The following ZNF292 variants were observed in gnomAD, a reference collection of about 807,000 sequenced individuals.
ZNF292 encodes zinc finger protein 292.
In ZNF292, 26 loss-of-function variants were observed where a neutral mutation model predicts 217.9. The observed-to-expected ratio is 0.12, with a 90% CI of 0.09 to 0.17. ZNF292 has a LOEUF of 0.17. Ranked by LOEUF, ZNF292 falls within the 10% of genes least tolerant of loss-of-function variation. The pLI, the probability that ZNF292 is intolerant of heterozygous loss-of-function variation, is 1.00. For missense variants in ZNF292, 2,904 were observed against 3,175.2 expected (o/e 0.91, Z 2.05); for synonymous variants, 1,257 against 1,124.1 (o/e 1.12, Z -2.37).
Position 87,155,680 on chromosome 6 carries a change from A to G in ZNF292, c.89A>G (p.Gln30Arg), listed in dbSNP as rs1770501632. The G allele has an allele frequency of 1.3e-6, 2 of 1,589,198 alleles. No homozygotes were observed. Among genetic ancestry groups the G allele is most frequent in the South Asian group, 1.1e-5 (1 of 87,350 alleles). ...AELQRLGERL[Q>R]ELELQLRESR... is the part of the protein sequence containing the mutation. Reference sequence around the variant, plus strand: ...CTGCAGCGCCTGGGCGAGCGGCTCCAGGAGCTGGAGCTACAGCTGCGGGAG... The same window carrying G: ...CTGCAGCGCCTGGGCGAGCGGCTCCGGGAGCTGGAGCTACAGCTGCGGGAG... Residue 30 changes from glutamine to arginine, a missense_variant, in exon 1 of 8, where the codon CAG becomes CGG. By Grantham distance (43) the Gln-to-Arg change is conservative (BLOSUM62 1). This residue lies in a region of ZNF292 where 66 missense variants were observed against 44.1 expected (regional missense o/e 1.50). Transcript: ENST00000369577.
intron 7 of ZNF292, among the ~76,000 whole-genome samples, chr6:87,246,140 A>G (rs963340966): frequency 1.3e-5 from 2 of 152,226 alleles, no homozygotes; most frequent in African/African-American, 4.8e-5. Flanking sequence ...CTGAGGCAGT[A>G]GAATTGCTTG....
intron 4 of ZNF292, chr6:87,223,230 A>G (rs7752882): frequency 0.62 from 95,165 of 153,436 alleles, 30,856 homozygotes; most frequent in African/African-American, 0.81. Context: ...GCAGGCATGT[A>G]CCACCATGCT....
chr6:87,193,009 A>G (rs1275074731), intron 1 of ZNF292, among the ~76,000 whole-genome samples: 1 of 152,176 alleles, frequency 6.6e-6, no homozygotes, highest in South Asian at 2.1e-4. Flanking sequence ...GTTATTTTCT[A>G]AAGACAGGGT....
intron 4 of ZNF292, among the ~76,000 whole-genome samples, chr6:87,230,605 G>T (rs930487677): frequency 6.6e-6 from 1 of 151,826 alleles, no homozygotes; most frequent in Non-Finnish European, 1.5e-5. Context: ...GTGGTGGCGG[G>T]CGCCTGTAGT....
intron 1 of ZNF292, among the ~76,000 whole-genome samples, chr6:87,164,044 C>G (rs546893188): frequency 4.1e-4 from 62 of 152,172 alleles, no homozygotes; most frequent in Non-Finnish European, 5.4e-4. Flanking sequence ...CACCTCGCCC[C>G]GCCAAGTATC....
chr6:87,216,289 T>C lies in ZNF292; in HGVS notation c.324-10T>C, dbSNP rs1772771629. ...ATTATTCCTCTCCTTACCAACTTTTTGTTTTTTAGAAGCTGTGTTGAACTT... is the reference window on the plus strand; with the variant it reads ...ATTATTCCTCTCCTTACCAACTTTTCGTTTTTTAGAAGCTGTGTTGAACTT... On this transcript the variant is annotated splice_polypyrimidine_tract_variant and intron_variant, in intron 2 of 7. Coordinates refer to ENST00000369577, the MANE Select transcript of ZNF292 (RefSeq NM_015021.3). 8.3e-6 allele frequency: 13 copies of C among 1,565,264 alleles called. No individual in the cohort carries two copies. The highest frequency in any genetic ancestry group is 1.1e-5 in the Non-Finnish European group (13 of 1,153,248).
At chr6:87,183,981 A>G (rs983868204) in intron 1 of ZNF292, among the ~76,000 whole-genome samples, 6 of 152,214 alleles carry the variant, frequency 3.9e-5, no homozygotes, top group African/African-American at 1.4e-4. Context: ...ACAAATACAG[A>G]TGTAAAAAAA....
intron 1 of ZNF292, among the ~76,000 whole-genome samples, chr6:87,201,867 G>A (rs1258270839): frequency 6.6e-6 from 1 of 152,144 alleles, no homozygotes; most frequent in Non-Finnish European, 1.5e-5. Flanking sequence ...GGTTTCTGAT[G>A]GGGCTTTTTT....
At chr6:87,252,876 C>A (rs907436058) in intron 7 of ZNF292, among the ~76,000 whole-genome samples, 2 of 151,922 alleles carry the variant, frequency 1.3e-5, no homozygotes, top group Non-Finnish European at 2.9e-5. Context: ...CACTTCCTTC[C>A]CAGTTTTCAT....
intron 1 of ZNF292, among the ~76,000 whole-genome samples, chr6:87,210,146 G>A (rs1772421589): frequency 2.0e-5 from 3 of 152,152 alleles, no homozygotes; most frequent in Admixed American, 2.0e-4. Flanking sequence ...CCTAAAGCAT[G>A]TATGTTCTAG....
At position 87,262,568 on chromosome 6, in the gene ZNF292, T is replaced by G. The variant is rs981989013; in HGVS notation, c.*767T>G. 4.0e-5 allele frequency: 6 copies of G among 151,802 alleles called. No individual in the cohort carries two copies. The highest frequency in any genetic ancestry group is 6.6e-5 in the Admixed American group (1 of 15,224). The allele number at this position is 151,802 out of a possible 1,614,324, so 9.4% of individuals were successfully genotyped here. On this transcript the variant is annotated 3_prime_UTR_variant, in exon 8 of 8. Transcript: ENST00000369577. ...GTTACTATGAGTCCATGAAATACAATGGAAATGTGAATAAAGAATTTACTA... is the reference window on the plus strand; with the variant it reads ...GTTACTATGAGTCCATGAAATACAAGGGAAATGTGAATAAAGAATTTACTA...
intron 1 of ZNF292, among the ~76,000 whole-genome samples, chr6:87,202,951 G>T (rs1444406559): frequency 6.6e-6 from 1 of 151,654 alleles, no homozygotes; most frequent in Non-Finnish European, 1.5e-5. Flanking sequence ...GTATATATAG[G>T]GATAAAATAG....
intron 5 of ZNF292, among the ~76,000 whole-genome samples, chr6:87,234,060 G>C (rs1390531690): frequency 6.6e-6 from 1 of 152,026 alleles, no homozygotes; most frequent in East Asian, 1.9e-4. Flanking sequence ...TTCACTTCTA[G>C]TTTGGTATAA....
chr6:87,205,075 G>A (rs193176959), intron 1 of ZNF292, among the ~76,000 whole-genome samples: 2 of 151,750 alleles, frequency 1.3e-5, no homozygotes, highest in African/African-American at 2.4e-5. Flanking sequence ...GTTTTTTCCC[G>A]CTCTCCACTG....
intron 1 of ZNF292, among the ~76,000 whole-genome samples, chr6:87,164,194 A>G (rs1261512097): frequency 6.6e-6 from 1 of 152,156 alleles, no homozygotes; most frequent in Non-Finnish European, 1.5e-5. Context: ...GGGGCTGAAT[A>G]GTCCCAGATG....
intron 1 of ZNF292, among the ~76,000 whole-genome samples, chr6:87,173,148 G>T (rs974822185): frequency 1.3e-5 from 2 of 151,606 alleles, no homozygotes; most frequent in African/African-American, 4.8e-5. Flanking sequence ...CAGTAAAATG[G>T]CACTTTAATA....
intron 1 of ZNF292, among the ~76,000 whole-genome samples, chr6:87,185,494 C>G (rs1415367172): frequency 6.6e-6 from 1 of 152,158 alleles, no homozygotes; most frequent in African/African-American, 2.4e-5. Flanking sequence ...AGCATACTTT[C>G]TTTGAGAGGA....
intron 1 of ZNF292, among the ~76,000 whole-genome samples, chr6:87,202,409 A>G (rs901538263): frequency 2.0e-5 from 3 of 152,320 alleles, no homozygotes; most frequent in Non-Finnish European, 2.9e-5. Flanking sequence ...TCTAACTACT[A>G]TACTGAATTC....
At chr6:87,236,065 A>C (rs1773890559) in intron 5 of ZNF292, among the ~76,000 whole-genome samples, 1 of 152,226 alleles carries the variant, frequency 6.6e-6, no homozygotes, top group African/African-American at 2.4e-5. Flanking sequence ...GAGGTGAGTT[A>C]AGATTTATTG....
Sources: allele counts gnomAD v4.1 joint callset (sites outside exome capture counted in the v4.1 genomes callset), GRCh38; gene constraint gnomAD v4.1.1; regional missense constraint gnomAD v4.1.1; transcripts MANE v1.5; gene names NCBI Gene and HGNC (gene_info 2026-07-23, HGNC 2026-07-21).